SUGCT: variants seen among roughly 807,000 people sequenced by gnomAD.
The protein encoded by SUGCT is succinyl-CoA:glutarate CoA-transferase.
In SUGCT, 41 loss-of-function variants were observed where a neutral mutation model predicts 55.0. The ratio of observed to expected loss-of-function variants is 0.74; its 90% CI spans 0.58 to 0.97. The LOEUF is 0.97. Among genes scored for constraint, SUGCT ranks in the 50% least tolerant of loss-of-function variants. SUGCT has a pLI of 0.00. For missense variants in SUGCT, 568 were observed against 547.8 expected, an observed-to-expected ratio of 1.04 and a Z score of -0.37; for synonymous variants, 187 against 200.4, an observed-to-expected ratio of 0.93 and a Z score of 0.56.
At chr7:40,793,143 C>T (rs1790395107) in intron 13 of SUGCT, 1 of 151,968 alleles carries the variant, frequency 6.6e-6, no homozygotes. Context: ...AAATTTGATT[C>T]TAGATGGAAT....
chr7:40,875,686 T>C, the SUGCT span, among the ~76,000 whole-genome samples: 1 of 152,216 alleles, frequency 6.6e-6, no homozygotes, highest in Non-Finnish European at 1.5e-5. Flanking sequence ...TAGACAATAA[T>C]GCTAATAAAA....
At chr7:41,031,586 C>T in the SUGCT span, among the ~76,000 whole-genome samples, 155 of 152,312 alleles carry the variant, frequency 1.0e-3, 1 homozygote, top group South Asian at 0.03. Context: ...AAGGGCATCA[C>T]GATCTGACCG....
At chr7:40,837,241 A>G (rs958615705) in intron 13 of SUGCT, among the ~76,000 whole-genome samples, 1 of 152,120 alleles carries the variant, frequency 6.6e-6, no homozygotes, top group African/African-American at 2.4e-5. Context: ...TCTCAGTGAA[A>G]TGTCTGTTCA....
intron 8 of SUGCT, among the ~76,000 whole-genome samples, chr7:40,304,558 C>A (rs967373493): frequency 1.3e-5 from 2 of 151,178 alleles, no homozygotes; most frequent in Admixed American, 6.6e-5. Flanking sequence ...GTACACTGTA[C>A]CAACATGTAA....
the SUGCT span, among the ~76,000 whole-genome samples, chr7:40,948,473 A>C: frequency 6.0e-5 from 8 of 134,102 alleles, no homozygotes; most frequent in East Asian, 4.4e-4. Flanking sequence ...GATGATGATG[A>C]TGCTTAAGTT....
chr7:40,142,203 G>T (rs1447447218), intron 1 of SUGCT, among the ~76,000 whole-genome samples: 1 of 152,160 alleles, frequency 6.6e-6, no homozygotes, highest in Non-Finnish European at 1.5e-5. Flanking sequence ...GGGTGGAGCA[G>T]GTAATTGGAA....
At chr7:40,309,291 G>T (rs1283322244) in intron 8 of SUGCT, among the ~76,000 whole-genome samples, 1 of 142,202 alleles carries the variant, frequency 7.0e-6, no homozygotes, top group African/African-American at 2.5e-5. Context: ...TAGTAAGTGT[G>T]ATATCAGTGT....
At chr7:40,454,594 C>G (rs577803892) in intron 10 of SUGCT, among the ~76,000 whole-genome samples, 1 of 132,108 alleles carries the variant, frequency 7.6e-6, no homozygotes, top group Non-Finnish European at 1.6e-5. Context: ...ACACAAAAAT[C>G]ATCCAGAAAA....
At chr7:40,888,510 G>C in the SUGCT span, among the ~76,000 whole-genome samples, 1 of 151,960 alleles carries the variant, frequency 6.6e-6, no homozygotes, top group Non-Finnish European at 1.5e-5. Flanking sequence ...TTTTCCAGCA[G>C]TGTGTTTGAA....
At chr7:40,151,672 A>T (rs1045841884) in intron 1 of SUGCT, 69 of 216,874 alleles carry the variant, frequency 3.2e-4, no homozygotes, top group Admixed American at 3.0e-3. Flanking sequence ...CATGAGAACC[A>T]GAGGTCTGCA....
chr7:40,777,292 A>G (rs891042795), intron 13 of SUGCT, among the ~76,000 whole-genome samples: 1 of 152,174 alleles, frequency 6.6e-6, no homozygotes, highest in African/African-American at 2.4e-5. Flanking sequence ...GGAAAGCCAC[A>G]TGATGGAGGT....
In SUGCT at chr7:40,363,016, C is replaced by T. The variant is rs191344397; in HGVS notation, c.816+46161C>T. On this transcript the variant is annotated intron_variant, in intron 9 of 13. Coordinates refer to ENST00000335693, the MANE Select transcript of SUGCT (RefSeq NM_001193313.2). Reference sequence around the variant, plus strand: ...GCTGTTATTGGTCTATTCAGAGATTCAACTTCTTCCTGGTTTAGACTTGGG... The same window carrying T: ...GCTGTTATTGGTCTATTCAGAGATTTAACTTCTTCCTGGTTTAGACTTGGG... 2.7e-3 allele frequency among the ~76,000 whole-genome samples: 410 copies of T among 152,280 alleles called. 12 individuals carry two copies. In the South Asian group the frequency reaches 0.059, roughly 22 times the overall value.
At chr7:40,321,756 T>C (rs1389759529) in intron 9 of SUGCT, among the ~76,000 whole-genome samples, 2 of 152,216 alleles carry the variant, frequency 1.3e-5, no homozygotes, top group Non-Finnish European at 2.9e-5. Flanking sequence ...GCAAACGATA[T>C]GATTTTACTC....
At chr7:40,619,966 A>G (rs532791756) in intron 12 of SUGCT, among the ~76,000 whole-genome samples, 1 of 152,362 alleles carries the variant, frequency 6.6e-6, no homozygotes, top group African/African-American at 2.4e-5. Flanking sequence ...ATATTTTACC[A>G]TTACAATGAG....
intron 9 of SUGCT, among the ~76,000 whole-genome samples, chr7:40,429,629 A>T (rs1213980710): frequency 6.6e-6 from 1 of 152,150 alleles, no homozygotes; most frequent in African/African-American, 2.4e-5. Context: ...CAGCCAGTTT[A>T]TTCCTTCCAT....
chr7:40,938,337 T>A, the SUGCT span, among the ~76,000 whole-genome samples: 5 of 152,164 alleles, frequency 3.3e-5, no homozygotes, highest in Non-Finnish European at 7.3e-5. Flanking sequence ...TCTTTTGTGT[T>A]AAATATTTTC....
At chr7:40,481,425 T>G (rs1233932605) in intron 11 of SUGCT, among the ~76,000 whole-genome samples, 2 of 151,542 alleles carry the variant, frequency 1.3e-5, no homozygotes. Flanking sequence ...ATGTATATGA[T>G]GTAGAATAAA....
At position 40,773,409 on chromosome 7, in the gene SUGCT, G is replaced by A. The variant is rs186986486; in HGVS notation, c.1153+23912G>A. Among the ~76,000 whole-genome samples, 243 of 152,256 alleles carry A rather than the reference G, an allele frequency of 1.6e-3. 1 individual carries two copies. The Middle Eastern group carries it at 0.017, about 11-fold the overall frequency. The stretch of plus-strand genomic sequence containing the variant: ...CTCCCAAAATGCTGTGATTACAGGC[G>A]TGAGCCACTGTGCCCGGCCGTATCT... On this transcript the variant is annotated intron_variant, in intron 13 of 13. Coordinates refer to ENST00000335693, the MANE Select transcript of SUGCT (RefSeq NM_001193313.2).
At chr7:40,481,561 G>A (rs17434037) in intron 11 of SUGCT, among the ~76,000 whole-genome samples, 15,689 of 151,048 alleles carry the variant, frequency 0.1, 1,096 homozygotes, top group Middle Eastern at 0.19. Flanking sequence ...ATACAAAGCC[G>A]GTCTAACGTA....
Sources: gnomAD v4.1 joint callset for allele counts (sites outside exome capture counted in the v4.1 genomes callset) on GRCh38, gnomAD v4.1.1 for gene constraint, MANE v1.5 for transcripts, NCBI Gene and HGNC (gene_info 2026-07-23, HGNC 2026-07-21) for gene names.